DIS3L2: variants seen among roughly 807,000 people sequenced by gnomAD.
DIS3L2 encodes DIS3-like exonuclease 2.
DIS3L2 carries 34 observed loss-of-function variants against 97.5 expected under a neutral mutation model. The ratio of observed to expected loss-of-function variants is 0.35; its 90% CI spans 0.27 to 0.46. The LOEUF (loss-of-function observed/expected upper bound fraction) is 0.46. Ranked by LOEUF, DIS3L2 falls within the 20% of genes least tolerant of loss-of-function variation. The probability of loss-of-function intolerance (pLI) is 1.00; values close to 1 mark genes in which losing one functional copy is unlikely to be tolerated. For synonymous variants in DIS3L2, 435 were observed against 445.2 expected (o/e 0.98, Z 0.29); for missense variants, 1,038 against 1,146.0 (o/e 0.91, Z 1.36).
intron 14 of DIS3L2, among the ~76,000 whole-genome samples, chr2:232,310,971 C>T (rs1021356482): frequency 1.3e-5 from 2 of 152,340 alleles, no homozygotes; most frequent in Non-Finnish European, 2.9e-5. Context: ...TGAGTCAGTG[C>T]CTATTCCCCA....
At chr2:232,166,439 T>G (rs1690821355) in intron 9 of DIS3L2, among the ~76,000 whole-genome samples, 5 of 152,128 alleles carry the variant, frequency 3.3e-5, no homozygotes, top group Admixed American at 3.3e-4. Context: ...AAAAATTACT[T>G]TTGGGCCGGG....
At chr2:232,173,419 A>C (rs1174081901) in intron 9 of DIS3L2, among the ~76,000 whole-genome samples, 2 of 151,846 alleles carry the variant, frequency 1.3e-5, no homozygotes, top group Non-Finnish European at 1.5e-5. Flanking sequence ...TTTTATAGAG[A>C]TGGGGTTTTG....
intron 1 of DIS3L2, among the ~76,000 whole-genome samples, chr2:231,986,233 T>C (rs1693412102): frequency 6.6e-6 from 1 of 152,198 alleles, no homozygotes; most frequent in Non-Finnish European, 1.5e-5. Flanking sequence ...AGCTTGCACA[T>C]GGCTTGTAGT....
intron 6 of DIS3L2, among the ~76,000 whole-genome samples, chr2:232,111,941 G>C (rs556755726): frequency 2.6e-5 from 4 of 152,312 alleles, no homozygotes; most frequent in African/African-American, 9.6e-5. Context: ...GTGAACCTTG[G>C]ATCAACTGAC....
intron 9 of DIS3L2, among the ~76,000 whole-genome samples, chr2:232,209,991 G>A (rs757442646): frequency 1.3e-5 from 2 of 152,158 alleles, no homozygotes; most frequent in Non-Finnish European, 2.9e-5. Flanking sequence ...AAATTGAAGA[G>A]TAATTTACCA....
chr2:232,343,965 C>T, exon 14 of DIS3L2: 1 of 165,678 alleles, frequency 6.0e-6, no homozygotes, highest in South Asian at 1.7e-4. Flanking sequence ...GTTAATCCAG[C>T]AACAAAAAAT....
At chr2:232,034,866 T>C (rs777204417) in intron 5 of DIS3L2, among the ~76,000 whole-genome samples, 1 of 152,228 alleles carries the variant, frequency 6.6e-6, no homozygotes, top group Non-Finnish European at 1.5e-5. Flanking sequence ...TTGCATTTGC[T>C]GAGAAGTGTT....
At chr2:232,248,395 A>C (rs1396489026) in intron 11 of DIS3L2, among the ~76,000 whole-genome samples, 1 of 152,190 alleles carries the variant, frequency 6.6e-6, no homozygotes, top group Admixed American at 6.5e-5. Context: ...GCCATTAATC[A>C]AGAAAAATAT....
chr2:232,341,386 G>C (rs776547967), downstream of DIS3L2, among the ~76,000 whole-genome samples: 1 of 152,216 alleles, frequency 6.6e-6, no homozygotes, highest in African/African-American at 2.4e-5. Flanking sequence ...GAAGTACTTC[G>C]CATAGAGCCT....
In DIS3L2 at chr2:232,281,821, G is replaced by A. The variant is rs967358957; in HGVS notation, c.1660-18219G>A. Among the ~76,000 whole-genome samples, 11 of 152,280 alleles carry A rather than the reference G, an allele frequency of 7.2e-5. No individual in the cohort carries two copies. The highest frequency in any genetic ancestry group is 1.3e-4 in the Admixed American group (2 of 15,306). On this transcript the variant is annotated intron_variant, in intron 13 of 20. Coordinates refer to ENST00000325385, the MANE Select transcript of DIS3L2 (RefSeq NM_152383.5). The surrounding 1 kb of genome is among the most constrained non-coding windows in gnomAD (Gnocchi z 4.1). ...AAGACGCTTGCCAGGTGGCTGGACC[G>A]GAAGTCTGCTGCTCCTCTTCTACCT...
At chr2:232,217,993 C>T (rs1245177372) in intron 10 of DIS3L2, among the ~76,000 whole-genome samples, 1 of 152,290 alleles carries the variant, frequency 6.6e-6, no homozygotes, top group South Asian at 2.1e-4. Context: ...GCAGCATTCC[C>T]TCTTCCAGGA....
At chr2:232,310,659 A>T (rs1695100651) in intron 14 of DIS3L2, among the ~76,000 whole-genome samples, 3 of 152,352 alleles carry the variant, frequency 2.0e-5, no homozygotes, top group East Asian at 3.9e-4. Flanking sequence ...AGAGAAACAG[A>T]TGCCCTGATA....
At chr2:232,168,870 T>A (rs1339134035) in intron 9 of DIS3L2, among the ~76,000 whole-genome samples, 1 of 152,236 alleles carries the variant, frequency 6.6e-6, no homozygotes, top group East Asian at 1.9e-4. Context: ...TTGGATCTGA[T>A]AACCTTTTCC....
intron 5 of DIS3L2, among the ~76,000 whole-genome samples, chr2:232,035,757 T>C (rs1197080957): frequency 6.6e-6 from 1 of 152,346 alleles, no homozygotes; most frequent in Non-Finnish European, 1.5e-5. Flanking sequence ...CCTTCACTTA[T>C]GAAGCTTTGT....
intron 9 of DIS3L2, 134 bp downstream of exon 9, chr2:232,163,766 A>G: frequency 1.0e-6 from 1 of 998,940 alleles, no homozygotes. Context: ...CTTCTGTACC[A>G]CAGTTGGCAA....
In DIS3L2 at chr2:232,008,082, C is replaced by T. The variant is rs181566924; in HGVS notation, c.-93-6753C>T. Among the ~76,000 whole-genome samples, 81 of 152,140 alleles carry T rather than the reference C, an allele frequency of 5.3e-4. 1 individual carries two copies. Among genetic ancestry groups the T allele is most frequent in the East Asian group, 3.9e-4 (2 of 5,184 alleles). On this transcript the variant is annotated intron_variant, in intron 1 of 20. Transcript: ENST00000325385. ...AGTTCAGCGATGTAATCACAGCTCA[C>T]GCTCACTACAGCTTTGATCTCCCAG...
intron 5 of DIS3L2, among the ~76,000 whole-genome samples, chr2:232,086,898 T>G (rs1203115501): frequency 6.6e-6 from 1 of 151,668 alleles, no homozygotes; most frequent in Non-Finnish European, 1.5e-5. Context: ...GCCAGGATGG[T>G]CTCAATCTCC....
At chr2:232,121,851 T>C (rs761272481) in intron 6 of DIS3L2, among the ~76,000 whole-genome samples, 1 of 152,148 alleles carries the variant, frequency 6.6e-6, no homozygotes, top group Non-Finnish European at 1.5e-5. Context: ...ACCTCCCCAC[T>C]TCCCCACTAG....
chr2:232,250,697 T>TC (rs1693392823), intron 12 of DIS3L2, among the ~76,000 whole-genome samples: 1 of 152,146 alleles, frequency 6.6e-6, no homozygotes, highest in Non-Finnish European at 1.5e-5. Context: ...GTGTCTGAAC[T>TC]AGAGGACATC....
Sources: gnomAD v4.1 joint callset for allele counts (sites outside exome capture counted in the v4.1 genomes callset) on GRCh38, gnomAD v4.1.1 for gene constraint, Gnocchi (gnomAD v3.1) non-coding constraint, MANE v1.5 for transcripts, NCBI Gene and HGNC (gene_info 2026-07-23, HGNC 2026-07-21) for gene names.